NRG1: variants seen among roughly 807,000 people sequenced by gnomAD.
NRG1 encodes pro-neuregulin-1, membrane-bound isoform.
In NRG1, 18 loss-of-function variants were observed where a neutral mutation model predicts 63.8. The observed-to-expected ratio is 0.28, with a 90% confidence interval of 0.19 to 0.42. The LOEUF (loss-of-function observed/expected upper bound fraction) is 0.42, where lower values mean the gene tolerates loss of function less well. Among genes scored for constraint, NRG1 ranks in the 10% least tolerant of loss-of-function variants. NRG1 has a pLI of 1.00. For missense variants in NRG1, 762 were observed against 814.7 expected, an observed-to-expected ratio of 0.94 and a Z score of 0.79; for synonymous variants, 302 against 301.3, an observed-to-expected ratio of 1.00 and a Z score of -0.02.
chr8:32,713,366 G>A (rs1368454066), intron 5 of NRG1, among the ~76,000 whole-genome samples: 1 of 152,032 alleles, frequency 6.6e-6, no homozygotes, highest in African/African-American at 2.4e-5. Flanking sequence ...AATCCTTCCG[G>A]TTTCGGTAAA....
chr8:31,873,804 A>C (rs1469120425), intron 1 of NRG1, among the ~76,000 whole-genome samples: 2 of 152,212 alleles, frequency 1.3e-5, no homozygotes, highest in Non-Finnish European at 2.9e-5. Context: ...GTGTGTTTTA[A>C]AATATTCCCA....
intron 1 of NRG1, among the ~76,000 whole-genome samples, chr8:32,178,349 C>T (rs1443029573): frequency 6.6e-6 from 1 of 152,164 alleles, no homozygotes; most frequent in African/African-American, 2.4e-5. Flanking sequence ...ATGGCTCACC[C>T]CTGTAATCCA....
intron 1 of NRG1, among the ~76,000 whole-genome samples, chr8:32,010,469 G>A (rs1814571141): frequency 6.6e-6 from 1 of 151,946 alleles, no homozygotes; most frequent in African/African-American, 2.4e-5. Flanking sequence ...TACAGTTCCT[G>A]CTTTCTCTGA....
At chr8:32,422,965 T>A (rs1056259635) in intron 1 of NRG1, among the ~76,000 whole-genome samples, 2 of 152,190 alleles carry the variant, frequency 1.3e-5, no homozygotes, top group African/African-American at 4.8e-5. Context: ...TCATTTACAC[T>A]CTCCATGTGT....
At chr8:32,110,881 C>T (rs904560965) in intron 1 of NRG1, among the ~76,000 whole-genome samples, 2 of 152,228 alleles carry the variant, frequency 1.3e-5, no homozygotes, top group African/African-American at 4.8e-5. Flanking sequence ...TACAAAAGCC[C>T]AGAAGCATTG....
At chr8:32,052,980 A>G (rs2130826406) in intron 1 of NRG1, among the ~76,000 whole-genome samples, 1 of 152,278 alleles carries the variant, frequency 6.6e-6, no homozygotes, top group South Asian at 2.1e-4. Flanking sequence ...GTCTCCTACC[A>G]CCACACATAC....
intron 1 of NRG1, among the ~76,000 whole-genome samples, chr8:31,727,944 C>T (rs1210306935): frequency 6.6e-6 from 1 of 152,132 alleles, no homozygotes; most frequent in African/African-American, 2.4e-5. Context: ...TGTGATAACG[C>T]AGACATCTCC....
chr8:31,735,593 A>G (rs930996920), intron 1 of NRG1, among the ~76,000 whole-genome samples: 3 of 152,180 alleles, frequency 2.0e-5, no homozygotes, highest in African/African-American at 7.2e-5. Flanking sequence ...CACTTTCATC[A>G]GACTATTAGT....
At chr8:31,990,700 G>A (rs1810916252) in intron 1 of NRG1, among the ~76,000 whole-genome samples, 1 of 152,116 alleles carries the variant, frequency 6.6e-6, no homozygotes, top group South Asian at 2.1e-4. Context: ...GACATCAAGT[G>A]GCATCCCTTT....
At chr8:32,366,660 T>A (rs1339882002) in intron 1 of NRG1, among the ~76,000 whole-genome samples, 6 of 63,224 alleles carry the variant, frequency 9.5e-5, no homozygotes, top group African/African-American at 3.1e-4. Flanking sequence ...ATATTGTGTG[T>A]GTGTGTGTGT....
At chr8:32,437,065 A>G (rs892367634) in intron 1 of NRG1, among the ~76,000 whole-genome samples, 1 of 151,796 alleles carries the variant, frequency 6.6e-6, no homozygotes, top group Non-Finnish European at 1.5e-5. Flanking sequence ...GTGGGGATCA[A>G]TGGGAGAGAT....
At chr8:32,418,390 TA>T (rs1250192557) in intron 1 of NRG1, among the ~76,000 whole-genome samples, 1 of 147,076 alleles carries the variant, frequency 6.8e-6, no homozygotes, top group Non-Finnish European at 1.5e-5. Context: ...TATTTAATAA[TA>T]TATTCTCTTT....
At chr8:31,865,914 A>G (rs1300907502) in intron 1 of NRG1, among the ~76,000 whole-genome samples, 2 of 152,226 alleles carry the variant, frequency 1.3e-5, no homozygotes, top group East Asian at 3.9e-4. Flanking sequence ...ACTTCTTATG[A>G]CTTTTTACAT....
intron 1 of NRG1, among the ~76,000 whole-genome samples, chr8:32,260,072 A>C (rs1850196967): frequency 6.6e-6 from 1 of 152,214 alleles, no homozygotes; most frequent in Non-Finnish European, 1.5e-5. Context: ...AAAATGAGTG[A>C]TACTGGGACA....
intron 1 of NRG1, among the ~76,000 whole-genome samples, chr8:32,412,451 T>TATAC (rs1340279592): frequency 1.7e-5 from 1 of 59,952 alleles, no homozygotes; most frequent in Non-Finnish European, 3.4e-5. Context: ...TATATATATA[T>TATAC]ACATATATAT....
intron 5 of NRG1, among the ~76,000 whole-genome samples, chr8:32,642,043 C>T (rs750990568): frequency 2.0e-5 from 3 of 152,068 alleles, no homozygotes; most frequent in Non-Finnish European, 2.9e-5. Context: ...AGTTGAGTTT[C>T]GCTAGATCAG....
intron 1 of NRG1, among the ~76,000 whole-genome samples, chr8:31,827,000 G>A (rs1029623178): frequency 6.6e-6 from 1 of 152,150 alleles, no homozygotes; most frequent in Non-Finnish European, 1.5e-5. Flanking sequence ...GCTTTGGCAG[G>A]CAGTGACCTT....
intron 1 of NRG1, among the ~76,000 whole-genome samples, chr8:31,829,172 C>T (rs949291343): frequency 6.6e-6 from 1 of 152,186 alleles, no homozygotes; most frequent in Non-Finnish European, 1.5e-5. Context: ...TGTCTTAATG[C>T]ATACATTTGC....
chr8:32,670,041 C>A (rs1805227553), intron 5 of NRG1, among the ~76,000 whole-genome samples: 3 of 152,132 alleles, frequency 2.0e-5, no homozygotes, highest in African/African-American at 7.2e-5. Context: ...ATTTTTATGT[C>A]ATTAAATGTC....
Sources: allele counts gnomAD v4.1 joint callset (sites outside exome capture counted in the v4.1 genomes callset), GRCh38; gene constraint gnomAD v4.1.1; transcripts MANE v1.5; gene names NCBI Gene and HGNC (gene_info 2026-07-23, HGNC 2026-07-21).